Variants in VTI1A observed in about 807,000 individuals in gnomAD.
The protein encoded by VTI1A is vesicle transport through interaction with t-SNAREs 1A.
Under a neutral mutation model 34.9 loss-of-function variants are expected in VTI1A, and 22 were observed. The ratio of observed to expected loss-of-function variants is 0.63; its 90% CI spans 0.45 to 0.90. The LOEUF (loss-of-function observed/expected upper bound fraction) is 0.90, where lower values mean the gene tolerates loss of function less well. Among genes scored for constraint, VTI1A ranks in the 40% least tolerant of loss-of-function variants. The pLI, the probability that VTI1A is intolerant of heterozygous loss-of-function variation, is 0.00. For synonymous variants in VTI1A, 87 were observed against 97.3 expected (o/e 0.89, Z 0.62); for missense variants, 268 against 275.6 (o/e 0.97, Z 0.20).
At chr10:112,458,258 A>G (rs895443034) in intron 1 of VTI1A, among the ~76,000 whole-genome samples, 3 of 152,204 alleles carry the variant, frequency 2.0e-5, no homozygotes, top group African/African-American at 7.2e-5. Context: ...TCCTCCTGAT[A>G]CGTAAATACA....
intron 3 of VTI1A, among the ~76,000 whole-genome samples, chr10:112,491,430 G>A (rs1310045674): frequency 1.3e-5 from 2 of 152,050 alleles, no homozygotes; most frequent in Non-Finnish European, 2.9e-5. Flanking sequence ...TGTATCAAGT[G>A]GTTCTAAAGG....
At chr10:112,845,044 G>T in the VTI1A span, among the ~76,000 whole-genome samples, 1 of 152,192 alleles carries the variant, frequency 6.6e-6, no homozygotes, top group African/African-American at 2.4e-5. Context: ...CTATGACCGT[G>T]TCAGCCGTAA....
intron 5 of VTI1A, among the ~76,000 whole-genome samples, chr10:112,624,226 A>G (rs540700180): frequency 2.0e-5 from 3 of 152,152 alleles, no homozygotes; most frequent in Non-Finnish European, 4.4e-5. Context: ...GCAATACTAA[A>G]TGGAATATGG....
intron 5 of VTI1A, among the ~76,000 whole-genome samples, chr10:112,582,787 A>G (rs1843999779): frequency 2.0e-5 from 3 of 152,266 alleles, no homozygotes; most frequent in Non-Finnish European, 4.4e-5. Flanking sequence ...TTTTTAACGT[A>G]TAAATATTAT....
chr10:112,573,439 A>G (rs868727449), intron 5 of VTI1A, among the ~76,000 whole-genome samples: 1 of 152,226 alleles, frequency 6.6e-6, no homozygotes, highest in Non-Finnish European at 1.5e-5. Flanking sequence ...TATTCATGAA[A>G]TAATTTTATT....
intron 7 of VTI1A, among the ~76,000 whole-genome samples, chr10:112,780,424 C>T (rs1397428233): frequency 6.6e-6 from 1 of 152,032 alleles, no homozygotes; most frequent in Non-Finnish European, 1.5e-5. Flanking sequence ...TTGGAGTTTG[C>T]TCAAATCAGG....
intron 7 of VTI1A, among the ~76,000 whole-genome samples, chr10:112,813,765 C>T (rs767961234): frequency 1.3e-5 from 2 of 152,126 alleles, no homozygotes; most frequent in African/African-American, 4.8e-5. Flanking sequence ...GAATTAATGT[C>T]GGAGTGCAGA....
intron 3 of VTI1A, among the ~76,000 whole-genome samples, chr10:112,468,732 G>A (rs902069639): frequency 3.3e-5 from 5 of 152,042 alleles, no homozygotes; most frequent in African/African-American, 7.2e-5. Context: ...CCATGGCTGC[G>A]TCTATACTGA....
intron 3 of VTI1A, among the ~76,000 whole-genome samples, chr10:112,508,811 C>T (rs1849517701): frequency 6.6e-6 from 1 of 152,178 alleles, no homozygotes; most frequent in Admixed American, 6.5e-5. Context: ...CAAGTACTTT[C>T]TCCTGTAGGG....
chr10:112,500,861 A>G (rs1849210851), intron 3 of VTI1A, among the ~76,000 whole-genome samples: 1 of 152,154 alleles, frequency 6.6e-6, no homozygotes, highest in Non-Finnish European at 1.5e-5. Context: ...TATTTTATAC[A>G]TGCTATGTCC....
chr10:112,588,753 T>C (rs939860373), intron 5 of VTI1A, among the ~76,000 whole-genome samples: 6 of 152,236 alleles, frequency 3.9e-5, no homozygotes, highest in African/African-American at 1.2e-4. Flanking sequence ...TGTGGGACTT[T>C]AATGTATTAT....
chr10:112,519,904 C>G (rs1419920539), intron 3 of VTI1A, among the ~76,000 whole-genome samples: 1 of 151,982 alleles, frequency 6.6e-6, no homozygotes, highest in Non-Finnish European at 1.5e-5. Flanking sequence ...GACCCCTTTT[C>G]CTTCCCAATG....
At chr10:112,654,875 C>T (rs1564869073) in intron 5 of VTI1A, among the ~76,000 whole-genome samples, 1 of 152,184 alleles carries the variant, frequency 6.6e-6, no homozygotes, top group Non-Finnish European at 1.5e-5. Context: ...TCTAAAAATG[C>T]AAGTGTCTTC....
chr10:112,695,500 C>G (rs1291691677), intron 7 of VTI1A, among the ~76,000 whole-genome samples: 1 of 152,124 alleles, frequency 6.6e-6, no homozygotes. Flanking sequence ...CTAATAACTT[C>G]AGGAGGCAAT....
chr10:112,781,779 C>T (rs1273931887), intron 7 of VTI1A, among the ~76,000 whole-genome samples: 1 of 152,056 alleles, frequency 6.6e-6, no homozygotes, highest in Non-Finnish European at 1.5e-5. Flanking sequence ...CGCTTGAACC[C>T]AGGAGGCGGA....
At position 112,653,465 on chromosome 10, in the gene VTI1A, G is replaced by A. The variant is rs187351820; in HGVS notation, c.428-14753G>A. Among the ~76,000 whole-genome samples the A allele has an allele frequency of 2.0e-5, 3 of 152,334 alleles. No homozygotes were observed. In the East Asian group the frequency reaches 5.8e-4, roughly 29 times the overall value. Reference sequence around the variant, plus strand: ...CCACCTGTGTGCTGGGGAAGGCACAGTGCACAACAGTGGCCATGTAATCAG... The same window carrying A: ...CCACCTGTGTGCTGGGGAAGGCACAATGCACAACAGTGGCCATGTAATCAG... On this transcript the variant is annotated intron_variant, in intron 5 of 7. Coordinates refer to ENST00000393077, the MANE Select transcript of VTI1A (RefSeq NM_145206.4).
intron 5 of VTI1A, among the ~76,000 whole-genome samples, chr10:112,541,292 G>C (rs989929119): frequency 6.6e-6 from 1 of 152,126 alleles, no homozygotes; most frequent in African/African-American, 2.4e-5. Context: ...TTAATCAGCT[G>C]TGTGACTTTG....
intron 3 of VTI1A, among the ~76,000 whole-genome samples, chr10:112,519,486 G>C (rs1009878184): frequency 6.6e-6 from 1 of 152,186 alleles, no homozygotes; most frequent in Middle Eastern, 3.4e-3. Flanking sequence ...TGATAGCAAA[G>C]AATAAAGGTT....
chr10:112,673,339 G>A (rs1340124174), intron 7 of VTI1A, among the ~76,000 whole-genome samples: 9 of 151,194 alleles, frequency 6.0e-5, no homozygotes, highest in African/African-American at 1.5e-4. Flanking sequence ...AAAGAAAAAG[G>A]AAAAGAAAAG....
Sources: gnomAD v4.1 joint callset for allele counts (sites outside exome capture counted in the v4.1 genomes callset) on GRCh38, gnomAD v4.1.1 for gene constraint, MANE v1.5 for transcripts, NCBI Gene and HGNC (gene_info 2026-07-23, HGNC 2026-07-21) for gene names.